Variants in NRG1 observed in about 807,000 individuals in gnomAD.
NRG1 encodes neuregulin 1.
Under a neutral mutation model 63.8 loss-of-function variants are expected in NRG1, and 18 were observed. The observed-to-expected ratio is 0.28, with a 90% confidence interval of 0.19 to 0.42. The LOEUF is 0.42. NRG1 is among the 10% of genes least tolerant of loss of function. NRG1 has a pLI of 1.00. For synonymous variants in NRG1, 302 were observed against 301.3 expected, an observed-to-expected ratio of 1.00 and a Z score of -0.02; for missense variants, 762 against 814.7, an observed-to-expected ratio of 0.94 and a Z score of 0.79.
At chr8:31,641,013 G>A (rs1480898176) in intron 1 of NRG1, among the ~76,000 whole-genome samples, 1 of 152,204 alleles carries the variant, frequency 6.6e-6, no homozygotes, top group Non-Finnish European at 1.5e-5. Context: ...CAAGTAGATC[G>A]GAAATGTGCC....
chr8:31,861,726 T>A (rs1276778622), intron 1 of NRG1, among the ~76,000 whole-genome samples: 2 of 152,284 alleles, frequency 1.3e-5, no homozygotes, highest in South Asian at 4.1e-4. Flanking sequence ...TTCCCCTTGA[T>A]AGGCAAAGGC....
chr8:31,983,508 T>C (rs367624361), intron 1 of NRG1, among the ~76,000 whole-genome samples: 1 of 151,926 alleles, frequency 6.6e-6, no homozygotes, highest in East Asian at 1.9e-4. Flanking sequence ...GCCTCCAGAG[T>C]AACTGAGACT....
intron 7 of NRG1, among the ~76,000 whole-genome samples, chr8:32,747,742 A>G (rs1016852374): frequency 1.4e-4 from 21 of 147,544 alleles, no homozygotes; most frequent in Admixed American, 1.0e-3. Context: ...GTATATATAT[A>G]TATATATATA....
chr8:31,880,124 C>T (rs754478933), intron 1 of NRG1, among the ~76,000 whole-genome samples: 14 of 152,068 alleles, frequency 9.2e-5, no homozygotes, highest in Non-Finnish European at 1.5e-4. Flanking sequence ...AGCAGTATGG[C>T]GATTCCTCAA....
chr8:31,702,447 T>A (rs1810720648), intron 1 of NRG1, among the ~76,000 whole-genome samples: 1 of 122,204 alleles, frequency 8.2e-6, no homozygotes, highest in Admixed American at 9.1e-5. Flanking sequence ...AAATTTCCCA[T>A]AACATTTTTT....
At chr8:32,759,374 C>T (rs1222492741) in exon 10 of NRG1, 1 of 1,613,924 alleles carries the variant, frequency 6.2e-7, no homozygotes, top group Non-Finnish European at 8.5e-7. Flanking sequence ...CATCCTTTTC[C>T]ACCAGTCACT....
intron 1 of NRG1, among the ~76,000 whole-genome samples, chr8:32,187,611 A>G (rs10109695): frequency 0.037 from 5,682 of 152,278 alleles, 195 homozygotes; most frequent in African/African-American, 0.088. Flanking sequence ...CTTGTTTCAC[A>G]AGACTTTATG....
intron 1 of NRG1, among the ~76,000 whole-genome samples, chr8:31,923,691 C>CTT (rs201461319): frequency 1.3e-5 from 2 of 150,656 alleles, no homozygotes; most frequent in African/African-American, 4.9e-5. Context: ...TACAGTTTTT[C>CTT]TTTTTTTTTA....
rs752334986 is a variant in NRG1 at position 31,724,328 on chromosome 8, C to A, written c.37+84897C>A. 4.6e-5 allele frequency among the ~76,000 whole-genome samples: 7 copies of A among 152,066 alleles called. No individual in the cohort carries two copies. The South Asian group carries it at 8.3e-4, about 18-fold the overall frequency. ...AACTCAATTTCAGAAGAGTTTGACCCTGTCAGAATCATCTACTGTATTTGC... is the reference window on the plus strand; with the variant it reads ...AACTCAATTTCAGAAGAGTTTGACCATGTCAGAATCATCTACTGTATTTGC... On this transcript the variant is annotated intron_variant, in intron 1 of 10. Coordinates refer to the NRG1 transcript ENST00000519301.
intron 1 of NRG1, among the ~76,000 whole-genome samples, chr8:31,666,336 G>A (rs758416505): frequency 1.2e-4 from 19 of 152,126 alleles, no homozygotes; most frequent in Middle Eastern, 3.2e-3. Context: ...AAGCTCCAAT[G>A]ACTCATTGCT....
At chr8:32,364,075 CTTTTTT>C (rs932903875) in intron 1 of NRG1, among the ~76,000 whole-genome samples, 3 of 65,520 alleles carry the variant, frequency 4.6e-5, no homozygotes, top group African/African-American at 6.2e-5. Context: ...TCTGACTAGT[CTTTTTT>C]TTTTTTTTTT....
intron 1 of NRG1, among the ~76,000 whole-genome samples, chr8:32,189,609 A>G (rs1344682616): frequency 6.6e-6 from 1 of 152,176 alleles, no homozygotes; most frequent in African/African-American, 2.4e-5. Context: ...CAACTATAAA[A>G]TGTCTGGGAT....
At chr8:32,094,323 C>T (rs1013567856) in intron 1 of NRG1, among the ~76,000 whole-genome samples, 1 of 152,162 alleles carries the variant, frequency 6.6e-6, no homozygotes, top group Non-Finnish European at 1.5e-5. Context: ...CTAGGATGAG[C>T]TGTGACTTCC....
chr8:31,878,540 A>G (rs527693502), intron 1 of NRG1, among the ~76,000 whole-genome samples: 1 of 152,310 alleles, frequency 6.6e-6, no homozygotes, highest in South Asian at 2.1e-4. Flanking sequence ...ATCGATTGTT[A>G]TATAGTAATA....
chr8:31,710,476 C>G (rs1811630260), intron 1 of NRG1, among the ~76,000 whole-genome samples: 1 of 151,860 alleles, frequency 6.6e-6, no homozygotes, highest in South Asian at 2.1e-4. Context: ...AAGAGAATTA[C>G]TCTCTTCTCA....
intron 1 of NRG1, among the ~76,000 whole-genome samples, chr8:32,281,184 C>CTTTTTTTTCTTTTTTTTTTTTTTTT (rs1852783314): frequency 1.1e-5 from 1 of 94,326 alleles, no homozygotes; most frequent in Non-Finnish European, 2.0e-5. Context: ...GTAGTTTTTC[C>CTTTTTTTTCTTTTTTTTTTTTTTTT]TTTTTTTTTT....
At chr8:31,770,672 C>T (rs945190521) in intron 1 of NRG1, among the ~76,000 whole-genome samples, 4 of 151,138 alleles carry the variant, frequency 2.6e-5, no homozygotes, top group Non-Finnish European at 4.4e-5. Context: ...ATGTAAATGA[C>T]GAGTTAATGG....
At chr8:32,271,508 AT>A (rs1043577786) in intron 1 of NRG1, among the ~76,000 whole-genome samples, 4 of 152,010 alleles carry the variant, frequency 2.6e-5, no homozygotes, top group African/African-American at 9.7e-5. Flanking sequence ...TCTATATAAA[AT>A]TTTTTTCAAG....
chr8:32,760,653 G>C, intron 11 of NRG1: 2 of 1,300,560 alleles, frequency 1.5e-6, no homozygotes, highest in Non-Finnish European at 2.0e-6. Context: ...GCTTTGATGC[G>C]GAAGGTGCAG....
Sources: allele counts gnomAD v4.1 joint callset (sites outside exome capture counted in the v4.1 genomes callset), GRCh38; gene constraint gnomAD v4.1.1; transcripts MANE v1.5; gene names NCBI Gene and HGNC (gene_info 2026-07-23, HGNC 2026-07-21).